The following FAF1 variants were observed in gnomAD, a reference collection of about 807,000 sequenced individuals.
The protein encoded by FAF1 is Fas associated factor 1, also known as FAS-associated factor 1.
A neutral mutation model predicts 92.5 loss-of-function variants in FAF1; 25 were observed. That is an observed-to-expected ratio of 0.27 (90% CI 0.20 to 0.38). The LOEUF is 0.38. Ranked by LOEUF, FAF1 falls within the 10% of genes least tolerant of loss-of-function variation. The pLI is 1.00. For missense variants in FAF1, 636 were observed against 793.3 expected (o/e 0.80, Z 2.38); for synonymous variants, 234 against 273.2 (o/e 0.86, Z 1.42).
chr1:50,877,382 C>A (rs1179485846), intron 1 of FAF1, among the ~76,000 whole-genome samples: 3 of 152,072 alleles, frequency 2.0e-5, no homozygotes, highest in Non-Finnish European at 4.4e-5. Context: ...AAACTGTCAG[C>A]CATCAAAAAC....
chr1:50,922,492 GAGAGA>G (rs71059599), intron 1 of FAF1, among the ~76,000 whole-genome samples: 2,209 of 135,936 alleles, frequency 0.016, 69 homozygotes, highest in East Asian at 0.092. Flanking sequence ...AGAAAAGAGA[GAGAGA>G]AGAGAAGAGA....
At chr1:50,479,963 C>T (rs573133648) in intron 17 of FAF1, among the ~76,000 whole-genome samples, 1 of 152,292 alleles carries the variant, frequency 6.6e-6, no homozygotes, top group South Asian at 2.1e-4. Context: ...GCAAGGGCCT[C>T]CTGTAAGCAA....
Position 50,744,761 on chromosome 1 carries a change from T to C in FAF1, c.382A>G (p.Ile128Val), listed in dbSNP as rs760391076. 1.4e-5 allele frequency: 22 copies of C among 1,595,776 alleles called. 1 individual carries two copies. In the South Asian group the frequency reaches 2.5e-4, roughly 18 times the overall value. Reference sequence around the variant, plus strand: ...GGTATCTGAAGTTCATTTTCTAGAATCTGTTTAATCTCTCCTGTATAAATA... The same window carrying C: ...GGTATCTGAAGTTCATTTTCTAGAACCTGTTTAATCTCTCCTGTATAAATA... ...DTCTVGEIKQ[I>V]LENELQIPVS... The change falls in exon 5 of 19, where the codon ATT becomes GTT. Residue 128 changes from isoleucine to valine, a missense_variant. Coordinates refer to ENST00000396153, the MANE Select transcript of FAF1 (RefSeq NM_007051.3).
intron 6 of FAF1, among the ~76,000 whole-genome samples, chr1:50,735,840 C>G (rs990065982): frequency 2.0e-5 from 3 of 152,166 alleles, no homozygotes; most frequent in Non-Finnish European, 4.4e-5. Context: ...CCTCAGCCTC[C>G]TGAGCAGCTA....
intron 2 of FAF1, among the ~76,000 whole-genome samples, chr1:50,831,309 T>C (rs1054274882): frequency 6.6e-6 from 1 of 152,186 alleles, no homozygotes; most frequent in Non-Finnish European, 1.5e-5. Flanking sequence ...ACACTTGATA[T>C]TAGCTTTTTC....
At chr1:50,808,575 T>G (rs2124602177) in intron 2 of FAF1, among the ~76,000 whole-genome samples, 1 of 151,228 alleles carries the variant, frequency 6.6e-6, no homozygotes, top group South Asian at 2.1e-4. Context: ...CAGAGAAAAA[T>G]CTACCAAGCA....
intron 8 of FAF1, among the ~76,000 whole-genome samples, chr1:50,627,143 C>T (rs1258956590): frequency 1.3e-5 from 2 of 151,924 alleles, no homozygotes; most frequent in Admixed American, 6.6e-5. Flanking sequence ...GAAGATGAGG[C>T]TAGAAATATA....
At chr1:50,689,810 ATTCTAT>A (rs1656835507) in intron 7 of FAF1, among the ~76,000 whole-genome samples, 1 of 152,152 alleles carries the variant, frequency 6.6e-6, no homozygotes, top group Non-Finnish European at 1.5e-5. Flanking sequence ...AAAACATGCC[ATTCTAT>A]TTTCTGTTAC....
At chr1:50,732,335 A>C (rs1658963051) in intron 6 of FAF1, among the ~76,000 whole-genome samples, 1 of 152,052 alleles carries the variant, frequency 6.6e-6, no homozygotes, top group African/African-American at 2.4e-5. Flanking sequence ...TTGGCCTCCC[A>C]AAGTGCTGGG....
At chr1:50,777,772 G>C (rs899225815) in intron 4 of FAF1, among the ~76,000 whole-genome samples, 2 of 151,044 alleles carry the variant, frequency 1.3e-5, no homozygotes, top group African/African-American at 4.9e-5. Flanking sequence ...AATTCAGAAA[G>C]GATCAGGAAT....
At chr1:50,562,026 C>T (rs1372763107) in intron 13 of FAF1, among the ~76,000 whole-genome samples, 2 of 152,122 alleles carry the variant, frequency 1.3e-5, no homozygotes, top group African/African-American at 2.4e-5. Flanking sequence ...ATTATGGGAG[C>T]ATACAGAATA....
At chr1:50,834,273 A>G (rs569769255) in intron 2 of FAF1, among the ~76,000 whole-genome samples, 3 of 152,322 alleles carry the variant, frequency 2.0e-5, no homozygotes, top group Admixed American at 2.0e-4. Context: ...CTGTAAGCCA[A>G]TTAAATTTCG....
intron 1 of FAF1, among the ~76,000 whole-genome samples, chr1:50,868,954 T>C (rs1644504817): frequency 6.6e-6 from 1 of 152,188 alleles, no homozygotes; most frequent in Admixed American, 6.5e-5. Flanking sequence ...TCTGTATCTT[T>C]ACTGATTCTA....
At chr1:50,529,419 T>TAA (rs1297440384) in intron 15 of FAF1, among the ~76,000 whole-genome samples, 1 of 152,248 alleles carries the variant, frequency 6.6e-6, no homozygotes, top group Non-Finnish European at 1.5e-5. Context: ...AACAGTCTAA[T>TAA]AAATTGTAAC....
At chr1:50,936,732 A>G (rs1236836550) in intron 1 of FAF1, among the ~76,000 whole-genome samples, 3 of 152,204 alleles carry the variant, frequency 2.0e-5, no homozygotes, top group Admixed American at 1.3e-4. Flanking sequence ...TTTGGAAACC[A>G]CATGGGATGC....
chr1:50,803,318 G>A (rs1251867268), intron 2 of FAF1, among the ~76,000 whole-genome samples: 1 of 152,144 alleles, frequency 6.6e-6, no homozygotes, highest in Non-Finnish European at 1.5e-5. Context: ...CATTTTCACT[G>A]AGGAATGCCA....
chr1:50,888,617 G>T (rs184380746), intron 1 of FAF1, among the ~76,000 whole-genome samples: 18 of 151,622 alleles, frequency 1.2e-4, no homozygotes, highest in Non-Finnish European at 2.5e-4. Flanking sequence ...GGCCTTTTCT[G>T]CATCGATTAG....
intron 17 of FAF1, among the ~76,000 whole-genome samples, chr1:50,476,853 A>C (rs941835793): frequency 6.6e-6 from 1 of 152,164 alleles, no homozygotes; most frequent in Admixed American, 6.5e-5. Context: ...TAAAGAAATA[A>C]TTTAGAAAAA....
At chr1:50,910,229 A>G (rs1293827979) in intron 1 of FAF1, among the ~76,000 whole-genome samples, 5 of 152,192 alleles carry the variant, frequency 3.3e-5, no homozygotes, top group African/African-American at 1.2e-4. Flanking sequence ...TTGCTGCCTT[A>G]TCCTTCCTCT....
Sources: allele counts gnomAD v4.1 joint callset (sites outside exome capture counted in the v4.1 genomes callset), GRCh38; gene constraint gnomAD v4.1.1; transcripts MANE v1.5; gene names NCBI Gene and HGNC (gene_info 2026-07-23, HGNC 2026-07-21).